Variants in UBL3 observed in about 807,000 individuals in gnomAD.
The protein encoded by UBL3 is ubiquitin like 3, also known as ubiquitin-like protein 3.
A neutral mutation model predicts 18.4 loss-of-function variants in UBL3; 6 were observed. The ratio of observed to expected loss-of-function variants is 0.33; its 90% CI spans 0.18 to 0.64. UBL3 has a LOEUF of 0.64. Ranked by LOEUF, UBL3 falls within the 30% of genes least tolerant of loss-of-function variation. The pLI is 0.76. For synonymous variants in UBL3, 49 were observed against 46.6 expected (o/e 1.05, Z -0.21); for missense variants, 109 against 142.9 (o/e 0.76, Z 1.21).
At chr13:29,795,733 A>G (rs1371605821) in intron 1 of UBL3, among the ~76,000 whole-genome samples, 1 of 147,568 alleles carries the variant, frequency 6.8e-6, no homozygotes, top group Non-Finnish European at 1.5e-5. Context: ...CAGCCTGGGC[A>G]ACATAGCAAG....
intron 2 of UBL3, 113 bp downstream of exon 2, chr13:29,777,042 C>T: frequency 1.3e-6 from 1 of 779,752 alleles, no homozygotes. Flanking sequence ...GCCTTATACT[C>T]TCAATTTTCG....
chr13:29,781,012 A>G lies in UBL3; in HGVS notation c.28-3749T>C, dbSNP rs138490356. ...AACCTGGTGAAACCCGGTCTCTAAT[A>G]AAAATACAAAATATTAGCAGAGCAT... On this transcript the variant is annotated intron_variant, in intron 1 of 4. Transcript: ENST00000380680. Among the ~76,000 whole-genome samples the G allele has an allele frequency of 4.3e-4, 66 of 152,262 alleles. 1 individual carries two copies. In the East Asian group the frequency reaches 0.013, roughly 29 times the overall value.
Position 29,767,067 on chromosome 13 carries a change from T to C in UBL3, c.*188A>G, listed in dbSNP as rs1428238807. ...AACAAAAAATACAAGAAATAAAAAATCAGAGTGAAAAATGTTCTTGGTTCT... is the reference window on the plus strand; with the variant it reads ...AACAAAAAATACAAGAAATAAAAAACCAGAGTGAAAAATGTTCTTGGTTCT... On this transcript the variant is annotated 3_prime_UTR_variant, in exon 5 of 5. Coordinates refer to ENST00000380680, the MANE Select transcript of UBL3 (RefSeq NM_007106.4). 11 of 493,766 alleles carry C rather than the reference T, an allele frequency of 2.2e-5. No homozygotes were observed. Among genetic ancestry groups the C allele is most frequent in the Non-Finnish European group, 3.7e-5 (11 of 294,164 alleles). The allele number at this position is 493,766 out of a possible 1,614,324, so 30.6% of individuals were successfully genotyped here.
intron 1 of UBL3, among the ~76,000 whole-genome samples, chr13:29,784,982 C>T (rs979591537): frequency 6.6e-6 from 1 of 152,142 alleles, no homozygotes; most frequent in Admixed American, 6.5e-5. Context: ...CTCGGCTCGC[C>T]GCAACCTCCG....
chr13:29,800,959 A>G (rs1284666812), intron 1 of UBL3, among the ~76,000 whole-genome samples: 1 of 152,156 alleles, frequency 6.6e-6, no homozygotes, highest in Non-Finnish European at 1.5e-5. Context: ...ACTGTTTTCC[A>G]TATGGATTTT....
chr13:29,782,945 G>C (rs1204110804), intron 1 of UBL3, among the ~76,000 whole-genome samples: 1 of 152,196 alleles, frequency 6.6e-6, no homozygotes, highest in Admixed American at 6.5e-5. Context: ...ATCAGTGTTT[G>C]GCACATAGTA....
intron 1 of UBL3, among the ~76,000 whole-genome samples, chr13:29,799,278 G>A (rs1877699074): frequency 6.6e-6 from 1 of 152,182 alleles, no homozygotes; most frequent in African/African-American, 2.4e-5. Context: ...TGTCTCCTAG[G>A]GGGCAAAATT....
intron 3 of UBL3, among the ~76,000 whole-genome samples, chr13:29,770,656 T>C (rs1257921161): frequency 6.6e-6 from 1 of 151,948 alleles, no homozygotes; most frequent in Non-Finnish European, 1.5e-5. Flanking sequence ...TCAACCAACA[T>C]TTACCAATTT....
chr13:29,807,556 G>A (rs1877927178), intron 1 of UBL3, among the ~76,000 whole-genome samples: 1 of 152,002 alleles, frequency 6.6e-6, no homozygotes, highest in Non-Finnish European at 1.5e-5. Flanking sequence ...AATTTTTAGA[G>A]CTCCTTTTTA....
chr13:29,816,449 G>A (rs2139345161), intron 1 of UBL3, among the ~76,000 whole-genome samples: 1 of 152,122 alleles, frequency 6.6e-6, no homozygotes, highest in Non-Finnish European at 1.5e-5. Context: ...TAAAATAATA[G>A]CAAATGTGTC....
chr13:29,788,846 T>C (rs1331813429), intron 1 of UBL3, among the ~76,000 whole-genome samples: 1 of 7,478 alleles, frequency 1.3e-4, no homozygotes, highest in African/African-American at 1.9e-4. Context: ...GAAGTGTGTG[T>C]GTGTGTGTGT....
At chr13:29,773,268 C>T (rs1363702956) in intron 2 of UBL3, among the ~76,000 whole-genome samples, 1 of 152,110 alleles carries the variant, frequency 6.6e-6, no homozygotes, top group African/African-American at 2.4e-5. Flanking sequence ...TTAGGCACAG[C>T]AGAAATGAGC....
intron 1 of UBL3, among the ~76,000 whole-genome samples, chr13:29,786,046 T>A (rs1877305630): frequency 6.6e-6 from 1 of 152,198 alleles, no homozygotes; most frequent in South Asian, 2.1e-4. Context: ...TTATTCTACC[T>A]AGCCCATCTC....
chr13:29,840,551 T>C (rs1012758166), intron 1 of UBL3, among the ~76,000 whole-genome samples: 1 of 31,106 alleles, frequency 3.2e-5, no homozygotes, highest in African/African-American at 7.9e-5. Flanking sequence ...ATTGTTTTCA[T>C]GAACAAAAAA....
chr13:29,830,260 A>C (rs1382833783), intron 1 of UBL3, among the ~76,000 whole-genome samples: 1 of 152,218 alleles, frequency 6.6e-6, no homozygotes, highest in East Asian at 1.9e-4. Flanking sequence ...TCCAGAAATG[A>C]CTCATGTGTT....
At position 29,767,442 on chromosome 13, in the gene UBL3, T is replaced by C. The variant is rs937898981; in HGVS notation, c.302-135A>G. 12 of 1,237,232 alleles carry C rather than the reference T, an allele frequency of 9.7e-6. No individual in the cohort carries two copies. The South Asian group carries it at 1.5e-4, about 15-fold the overall frequency. 76.6% of individuals were successfully genotyped at this position (1,237,232 alleles called of 1,614,324 possible). ...TGCATTTTTCAAAATTAAGAAGCTG[T>C]AATAAATGTTCTTTTAATTTTAGCA... is the stretch of plus-strand genomic sequence containing the variant. On this transcript the variant is annotated intron_variant, in intron 4 of 4. Transcript: ENST00000380680.
At chr13:29,833,815 T>A (rs78362837) in intron 1 of UBL3, among the ~76,000 whole-genome samples, 2,136 of 152,326 alleles carry the variant, frequency 0.014, 44 homozygotes, top group African/African-American at 0.049. Flanking sequence ...AGGAGAAGGA[T>A]TTGTTTGCTT....
chr13:29,769,216 T>A (rs1876772087), intron 3 of UBL3, among the ~76,000 whole-genome samples: 1 of 152,088 alleles, frequency 6.6e-6, no homozygotes, highest in Admixed American at 6.6e-5. Flanking sequence ...GTAGGTAAAC[T>A]GAGATATATA....
At chr13:29,799,336 C>G (rs1345176236) in intron 1 of UBL3, among the ~76,000 whole-genome samples, 1 of 152,188 alleles carries the variant, frequency 6.6e-6, no homozygotes, top group Non-Finnish European at 1.5e-5. Flanking sequence ...TAATTCATAC[C>G]TTTACTGTGA....
Sources: gnomAD v4.1 joint callset for allele counts (sites outside exome capture counted in the v4.1 genomes callset) on GRCh38, gnomAD v4.1.1 for gene constraint, MANE v1.5 for transcripts, NCBI Gene and HGNC (gene_info 2026-07-23, HGNC 2026-07-21) for gene names.